GALR2: variants seen among roughly 807,000 people sequenced by gnomAD.
GALR2 encodes the protein galanin receptor 2.
A neutral mutation model predicts 7.2 loss-of-function variants in GALR2; 5 were observed. The ratio of observed to expected loss-of-function variants is 0.69; its 90% CI spans 0.36 to 1.45. The LOEUF is 1.45. Among genes scored for constraint, GALR2 ranks in the 40% most tolerant of loss-of-function variants. The pLI is 0.03. For missense variants in GALR2, 561 were observed against 555.7 expected, an observed-to-expected ratio of 1.01 and a Z score of -0.10; for synonymous variants, 300 against 263.9, an observed-to-expected ratio of 1.14 and a Z score of -1.32.
upstream of GALR2, among the ~76,000 whole-genome samples, chr17:76,074,600 G>A (rs1038518095): frequency 6.6e-6 from 1 of 152,228 alleles, no homozygotes; most frequent in Non-Finnish European, 1.5e-5. This position sits in a 1 kb window ranked among gnomAD's most constrained non-coding sequence, Gnocchi z 6.7. Flanking sequence ...GCAGGTACAA[G>A]CGCCACTCTC....
In GALR2 at chr17:76,075,187, C is replaced by A; in HGVS notation, c.304C>A (p.His102Asn). ...CGGCTCGCTGCTGTGCAAGGCGGTG[C>A]ACTTCCTCATCTTCCTCACCATGCA... Reference protein sequence around the residue: ...VFGSLLCKAVHFLIFLTMHAS... With the variant: ...VFGSLLCKAVNFLIFLTMHAS... The change falls in exon 1 of 2, where the codon CAC becomes AAC. Residue 102 changes from histidine to asparagine, a missense_variant. Transcript: ENST00000329003. This position sits in a 1 kb window ranked among gnomAD's most constrained non-coding sequence, Gnocchi z 5.9. 1 of 1,611,054 alleles carries A rather than the reference C, an allele frequency of 6.2e-7. No homozygotes were observed. Among genetic ancestry groups the A allele is most frequent in the South Asian group, 1.1e-5 (1 of 91,036 alleles).
upstream of GALR2, chr17:76,072,446 T>TGCCGCCGCCGCCGCCGCCGCC (rs536477130): frequency 5.1e-6 from 8 of 1,579,284 alleles, no homozygotes; most frequent in African/African-American, 1.1e-4. This position sits in a 1 kb window ranked among gnomAD's most constrained non-coding sequence, Gnocchi z 4.5. Context: ...CCGCCGCCAC[T>TGCCGCCGCCGCCGCCGCCGCC]GCCGCCGCCG....
In GALR2 at chr17:76,075,096, C is replaced by A; in HGVS notation, c.213C>A (p.Asp71Glu). The A allele has an allele frequency of 6.2e-7, 1 of 1,612,298 alleles. No homozygotes were observed. The change falls in exon 1 of 2, where the codon GAC becomes GAA. Residue 71 changes from aspartate (D) to glutamate (E), a missense_variant. By Grantham distance (45) the Asp-to-Glu change is conservative. Transcript: ENST00000329003. The surrounding 1 kb of genome is among the most constrained non-coding windows in gnomAD (Gnocchi z 5.9). Reference sequence around the variant, plus strand: ...TCATCCTTAACCTGGGCGTGGCCGACCTGTGTTTCATCCTGTGCTGCGTGC... The same window carrying A: ...TCATCCTTAACCTGGGCGTGGCCGAACTGTGTTTCATCCTGTGCTGCGTGC... Reference protein sequence around the residue: ...NLFILNLGVADLCFILCCVPF... With the variant: ...NLFILNLGVAELCFILCCVPF...
Position 76,074,803 on chromosome 17 carries a change from C to T in GALR2, c.-81C>T. The T allele has an allele frequency of 7.2e-7, 1 of 1,388,794 alleles. No homozygotes were observed. Among genetic ancestry groups the T allele is most frequent in the South Asian group, 1.5e-5 (1 of 66,116 alleles). 86.0% of individuals were successfully genotyped at this position (1,388,794 alleles called of 1,614,324 possible). ...GGCAGAGTCGCACTAGGAGTTGCAG[C>T]GGCCGCAGCCCCGGGAGCTTCCCGC... On this transcript the variant is annotated 5_prime_UTR_variant, in exon 1 of 2. Coordinates refer to ENST00000329003, the MANE Select transcript of GALR2 (RefSeq NM_003857.4). This position sits in a 1 kb window ranked among gnomAD's most constrained non-coding sequence, Gnocchi z 6.7.
upstream of GALR2, among the ~76,000 whole-genome samples, chr17:76,073,021 G>T (rs2066868614): frequency 6.6e-6 from 1 of 152,216 alleles, no homozygotes; most frequent in African/African-American, 2.4e-5. Context: ...TCAGCAGACG[G>T]TGTCCTAACG....
chr17:76,072,271 T>C, upstream of GALR2: 1 of 1,605,000 alleles, frequency 6.2e-7, no homozygotes, highest in Non-Finnish European at 8.5e-7. The surrounding 1 kb of genome is among the most constrained non-coding windows in gnomAD (Gnocchi z 4.5). Flanking sequence ...GTTCGACACG[T>C]AATCATTGCG....
At position 76,077,366 on chromosome 17, in the gene GALR2, T is replaced by TG. The variant is rs1567942081; in HGVS notation, c.1100dup (p.Cys367TrpfsTer19). 1 of 1,512,720 alleles carries TG rather than the reference T, an allele frequency of 6.6e-7. No homozygotes were observed. The highest frequency in any genetic ancestry group is 8.8e-7 in the Non-Finnish European group (1 of 1,137,134). 93.7% of individuals were successfully genotyped at this position (1,512,720 alleles called of 1,614,324 possible). A position where few individuals can be genotyped will look rare whatever the true frequency, so the allele number is the denominator to read the frequency against. On this transcript the variant is annotated frameshift_variant, in exon 2 of 2. Transcript: ENST00000329003. LOFTEE classifies it low-confidence loss of function (END_TRUNC). ...TTCCCAGCCATGCATCCTCGAGCCCTGTCCTGGCCCGTCCTGGCAGGGCCC... is the reference window on the plus strand; with the variant it reads ...TTCCCAGCCATGCATCCTCGAGCCCTGGTCCTGGCCCGTCCTGGCAGGGCCC...
Position 76,076,248 on chromosome 17 carries a change from C to T in GALR2, c.369-388C>T, listed in dbSNP as rs2066887817. Among the ~76,000 whole-genome samples the T allele has an allele frequency of 6.6e-6, 1 of 152,264 alleles. No individual in the cohort carries two copies. The highest frequency in any genetic ancestry group is 2.1e-4 in the South Asian group (1 of 4,832). On this transcript the variant is annotated intron_variant, in intron 1 of 1. Coordinates refer to ENST00000329003, the MANE Select transcript of GALR2 (RefSeq NM_003857.4). This position sits in a 1 kb window ranked among gnomAD's most constrained non-coding sequence, Gnocchi z 6.5. ...AGCCTCAGGCGCCTCCGCCCTCCCT[C>T]CCGCGGCACCGTCACCAGTGGGTAG...
rs1364876337 is a variant in GALR2 at position 76,075,422 on chromosome 17, T to C, written c.368+171T>C. 6.6e-6 allele frequency among the ~76,000 whole-genome samples: 1 copy of C among 152,170 alleles called. No individual in the cohort carries two copies. Among genetic ancestry groups the C allele is most frequent in the Non-Finnish European group, 1.5e-5 (1 of 68,018 alleles). On this transcript the variant is annotated intron_variant, in intron 1 of 1. Coordinates refer to ENST00000329003, the MANE Select transcript of GALR2 (RefSeq NM_003857.4). This position sits in a 1 kb window ranked among gnomAD's most constrained non-coding sequence, Gnocchi z 5.9. ...AAAGAGGAATAAGAATGGGGGACCG[T>C]GGTGTCCCTCGGTTAGATGCGTCCT...
At chr17:76,072,387 C>T (rs2066860342), upstream of GALR2, 2 of 1,609,434 alleles carry the variant, frequency 1.2e-6, no homozygotes, top group Non-Finnish European at 1.7e-6. This position sits in a 1 kb window ranked among gnomAD's most constrained non-coding sequence, Gnocchi z 4.5. Context: ...TATTTTCTTC[C>T]CCTCCGGCAC....
At position 76,075,110 on chromosome 17, in the gene GALR2, TGTGCTGCGTGCCCTTCC is replaced by T; in HGVS notation, c.228_244del (p.Cys77GlyfsTer303). ...GGCGTGGCCGACCTGTGTTTCATCC[TGTGCTGCGTGCCCTTCC>T]AGGCCACCATCTACACCCTGGACGG... is the stretch of plus-strand genomic sequence containing the variant. On this transcript the variant is annotated frameshift_variant, in exon 1 of 2. Transcript: ENST00000329003. LOFTEE classifies it high-confidence loss of function. The surrounding 1 kb of genome is among the most constrained non-coding windows in gnomAD (Gnocchi z 5.9). 6.2e-7 allele frequency: 1 copy of T among 1,612,436 alleles called. No individual in the cohort carries two copies. Among genetic ancestry groups the T allele is most frequent in the Non-Finnish European group, 8.5e-7 (1 of 1,179,990 alleles).
In GALR2 at chr17:76,076,434, T is replaced by C. The variant is rs1189670434; in HGVS notation, c.369-202T>C. On this transcript the variant is annotated intron_variant, in intron 1 of 1. Coordinates refer to ENST00000329003, the MANE Select transcript of GALR2 (RefSeq NM_003857.4). This position sits in a 1 kb window ranked among gnomAD's most constrained non-coding sequence, Gnocchi z 6.5. The stretch of plus-strand genomic sequence containing the variant: ...TGCCGGGCCCGCCCCATTTCCAGGC[T>C]CCGCTGAGTGTCTGGGACACGCTGG... Among the ~76,000 whole-genome samples the C allele has an allele frequency of 1.3e-5, 2 of 152,068 alleles. No homozygotes were observed. Among genetic ancestry groups the C allele is most frequent in the Non-Finnish European group, 2.9e-5 (2 of 68,016 alleles).
At chr17:76,072,618 A>C (rs892317581), upstream of GALR2, 24 of 1,455,010 alleles carry the variant, frequency 1.6e-5, no homozygotes, top group African/African-American at 2.5e-4. This position sits in a 1 kb window ranked among gnomAD's most constrained non-coding sequence, Gnocchi z 4.5. Context: ...CCCTTGCTGC[A>C]GCAGGGCGCC....
In GALR2 at chr17:76,077,357, C is replaced by G. The variant is rs1011684168; in HGVS notation, c.1090C>G (p.Leu364Val). 3.9e-6 allele frequency: 6 copies of G among 1,536,234 alleles called. No individual in the cohort carries two copies. The highest frequency in any genetic ancestry group is 1.7e-4 in the Middle Eastern group (1 of 5,932). ...PCPGASQPCI[L>V]EPCPGPSWQG... is the part of the protein sequence containing the mutation. ...CCCCGGCGCTTCCCAGCCATGCATC[C>G]TCGAGCCCTGTCCTGGCCCGTCCTG... The change falls in exon 2 of 2, where the codon CTC becomes GTC. Residue 364 changes from leucine to valine, a missense_variant. Physicochemically the swap from Leu to Val is conservative, Grantham distance 32 (BLOSUM62 1). Coordinates refer to ENST00000329003, the MANE Select transcript of GALR2 (RefSeq NM_003857.4).
rs932111206 is a variant in GALR2, at chr17:76,075,094, G to C, written c.211G>C (p.Asp71His). The change falls in exon 1 of 2, where the codon GAC becomes CAC. Residue 71 changes from aspartate to histidine, a missense_variant. Physicochemically the swap from Asp to His is moderately conservative, Grantham distance 81. Transcript: ENST00000329003. This position sits in a 1 kb window ranked among gnomAD's most constrained non-coding sequence, Gnocchi z 5.9. ...GTTCATCCTTAACCTGGGCGTGGCC[G>C]ACCTGTGTTTCATCCTGTGCTGCGT... ...NLFILNLGVADLCFILCCVPF... is the reference protein window; with the variant it reads ...NLFILNLGVAHLCFILCCVPF... 2 of 1,612,078 alleles carry C rather than the reference G, an allele frequency of 1.2e-6. No homozygotes were observed. The highest frequency in any genetic ancestry group is 1.7e-5 in the Admixed American group (1 of 60,008).
Position 76,074,911 on chromosome 17 carries a change from G to C in GALR2, c.28G>C (p.Gly10Arg), listed in dbSNP as rs749402968. 3.9e-6 allele frequency: 6 copies of C among 1,540,528 alleles called. No individual in the cohort carries two copies. The East Asian group carries it at 9.7e-5, about 25-fold the overall frequency. Reference protein sequence around the residue: MNVSGCPGAGNASQAGGGGG... With the variant: MNVSGCPGARNASQAGGGGG... ...GAACGTCTCGGGCTGCCCAGGGGCC[G>C]GGAACGCGAGCCAGGCGGGCGGCGG... Residue 10 changes from glycine to arginine, a missense_variant, in exon 1 of 2, where the codon GGG (glycine) becomes CGG (arginine). By Grantham distance (125) the Gly-to-Arg change is moderately radical. Coordinates refer to ENST00000329003, the MANE Select transcript of GALR2 (RefSeq NM_003857.4). This position sits in a 1 kb window ranked among gnomAD's most constrained non-coding sequence, Gnocchi z 6.7.
chr17:76,072,167 G>A, upstream of GALR2: 1 of 1,479,490 alleles, frequency 6.8e-7, no homozygotes, highest in East Asian at 2.4e-5. The surrounding 1 kb of genome is among the most constrained non-coding windows in gnomAD (Gnocchi z 4.5). Context: ...GGAATTCTGA[G>A]CACCAAAAGG....
rs1468979469 is a variant in GALR2 at position 76,074,903 on chromosome 17, C to G, written c.20C>G (p.Pro7Arg). The G allele has an allele frequency of 1.3e-6, 2 of 1,535,626 alleles. No individual in the cohort carries two copies. The highest frequency in any genetic ancestry group is 1.7e-6 in the Non-Finnish European group (2 of 1,147,694). MNVSGCPGAGNASQAGG... is the reference protein window; with the variant it reads MNVSGCRGAGNASQAGG... The stretch of plus-strand genomic sequence containing the variant: ...GGCACCATGAACGTCTCGGGCTGCC[C>G]AGGGGCCGGGAACGCGAGCCAGGCG... The change falls in exon 1 of 2, where the codon CCA becomes CGA. Residue 7 changes from proline (P) to arginine (R), a missense_variant. Physicochemically the swap from Pro to Arg is moderately radical, Grantham distance 103. Coordinates refer to ENST00000329003, the MANE Select transcript of GALR2 (RefSeq NM_003857.4). This position sits in a 1 kb window ranked among gnomAD's most constrained non-coding sequence, Gnocchi z 6.7.
upstream of GALR2, chr17:76,072,532 G>A (rs778850732): frequency 5.8e-6 from 9 of 1,557,690 alleles, no homozygotes; most frequent in South Asian, 3.6e-5. The surrounding 1 kb of genome is among the most constrained non-coding windows in gnomAD (Gnocchi z 4.5). Flanking sequence ...TAGGGGAGGC[G>A]GGACGACCTG....
Sources: gnomAD v4.1 joint callset for allele counts (sites outside exome capture counted in the v4.1 genomes callset) on GRCh38, gnomAD v4.1.1 for gene constraint, Gnocchi (gnomAD v3.1) non-coding constraint, MANE v1.5 for transcripts, NCBI Gene and HGNC (gene_info 2026-07-23, HGNC 2026-07-21) for gene names.